WDR70: variants seen among roughly 807,000 people sequenced by gnomAD.
WDR70 encodes the protein WD repeat domain 70.
A neutral mutation model predicts 88.6 loss-of-function variants in WDR70; 53 were observed. That is an observed-to-expected ratio of 0.60 (90% confidence interval 0.48 to 0.75). The LOEUF is 0.75. WDR70 is among the 30% of genes least tolerant of loss of function. The pLI, the probability that WDR70 is intolerant of heterozygous loss-of-function variation, is 0.00. For synonymous variants in WDR70, 280 were observed against 270.0 expected, an observed-to-expected ratio of 1.04 and a Z score of -0.36; for missense variants, 610 against 823.2, an observed-to-expected ratio of 0.74 and a Z score of 3.17.
intron 10 of WDR70, among the ~76,000 whole-genome samples, chr5:37,630,034 A>T (rs1744770085): frequency 6.6e-6 from 1 of 152,132 alleles, no homozygotes; most frequent in Non-Finnish European, 1.5e-5. Flanking sequence ...CTTCAACCGT[A>T]ATCCATACTG....
intron 9 of WDR70, among the ~76,000 whole-genome samples, chr5:37,548,322 G>A (rs184875325): frequency 1.3e-5 from 2 of 152,142 alleles, no homozygotes. Flanking sequence ...TTGCCTTTTG[G>A]ATAAAAACCA....
intron 9 of WDR70, among the ~76,000 whole-genome samples, chr5:37,586,613 A>G (rs1743371690): frequency 6.7e-6 from 1 of 150,300 alleles, no homozygotes; most frequent in South Asian, 2.1e-4. Flanking sequence ...CCCTGTGTCC[A>G]TGTGTTCTCA....
chr5:37,404,311 T>TGTATCC (rs1344888958), intron 5 of WDR70, among the ~76,000 whole-genome samples: 1 of 152,180 alleles, frequency 6.6e-6, no homozygotes, highest in Non-Finnish European at 1.5e-5. Context: ...TCATGTCTCA[T>TGTATCC]GGATACCTAA....
chr5:37,514,339 C>CATATATATATATATATAT (rs70978826), intron 8 of WDR70, among the ~76,000 whole-genome samples: 1,487 of 28,640 alleles, frequency 0.052, 356 homozygotes, highest in East Asian at 0.22. Context: ...TTTAGAACTA[C>CATATATATATATATATAT]ATATATATAT....
intron 10 of WDR70, among the ~76,000 whole-genome samples, chr5:37,681,658 A>G (rs1378962023): frequency 6.6e-6 from 1 of 152,198 alleles, no homozygotes; most frequent in African/African-American, 2.4e-5. Context: ...AATTTTATCA[A>G]AAGCCTTTTT....
At chr5:37,573,628 G>T (rs1418895930) in intron 9 of WDR70, among the ~76,000 whole-genome samples, 1 of 150,214 alleles carries the variant, frequency 6.7e-6, no homozygotes, top group African/African-American at 2.5e-5. Context: ...AGAACATGCG[G>T]TGTTTGGTTT....
intron 10 of WDR70, among the ~76,000 whole-genome samples, chr5:37,679,960 C>T (rs1400299172): frequency 2.0e-5 from 3 of 152,248 alleles, no homozygotes; most frequent in African/African-American, 2.4e-5. Flanking sequence ...CCCCCAGCCT[C>T]ACTGCCACCT....
chr5:37,453,619 T>A (rs1301775108), intron 7 of WDR70, among the ~76,000 whole-genome samples: 2 of 152,244 alleles, frequency 1.3e-5, no homozygotes. Flanking sequence ...GAGATTTGTT[T>A]ATGGCCAGTT....
intron 10 of WDR70, among the ~76,000 whole-genome samples, chr5:37,652,978 T>G (rs1745448877): frequency 6.6e-6 from 1 of 152,188 alleles, no homozygotes; most frequent in Non-Finnish European, 1.5e-5. Context: ...AATAATATGT[T>G]GAATAGGAGT....
At chr5:37,631,267 G>A (rs1744808664) in intron 10 of WDR70, among the ~76,000 whole-genome samples, 1 of 152,138 alleles carries the variant, frequency 6.6e-6, no homozygotes, top group Non-Finnish European at 1.5e-5. Context: ...TAGCCTTCTT[G>A]CCTACCTTCA....
At chr5:37,709,845 CTT>C (rs1371656638) in intron 13 of WDR70, among the ~76,000 whole-genome samples, 2 of 151,506 alleles carry the variant, frequency 1.3e-5, no homozygotes. Context: ...CCTTGAAAAA[CTT>C]AAATCTTTTT....
chr5:37,561,664 G>T (rs190960862), intron 9 of WDR70, among the ~76,000 whole-genome samples: 2 of 152,140 alleles, frequency 1.3e-5, no homozygotes, highest in Non-Finnish European at 2.9e-5. Flanking sequence ...AGGCCATGTC[G>T]TTATGAGGGT....
intron 7 of WDR70, among the ~76,000 whole-genome samples, chr5:37,465,329 A>G (rs1411583032): frequency 2.0e-5 from 3 of 152,168 alleles, no homozygotes; most frequent in Admixed American, 6.5e-5. Context: ...AATGCTTCAC[A>G]TTGTCACACA....
rs752165618 is a variant in WDR70 at position 37,379,477 on chromosome 5, C to T, written c.26-12C>T. 1 of 1,613,966 alleles carries T rather than the reference C, an allele frequency of 6.2e-7. No individual in the cohort carries two copies. The highest frequency in any genetic ancestry group is 1.1e-5 in the South Asian group (1 of 91,068). On this transcript the variant is annotated splice_polypyrimidine_tract_variant and intron_variant, in intron 1 of 17. Coordinates refer to ENST00000265107, the MANE Select transcript of WDR70 (RefSeq NM_018034.4). ...CACTAACTAGGCCGCCTCTCTTTTC[C>T]TCTTGCTCCAGTGACAGGCTCAGAC...
At chr5:37,695,736 C>T (rs1037863631) in intron 10 of WDR70, among the ~76,000 whole-genome samples, 3 of 152,182 alleles carry the variant, frequency 2.0e-5, no homozygotes, top group Non-Finnish European at 2.9e-5. Context: ...GCCCCACCTG[C>T]AATCCAAGAT....
At chr5:37,652,273 C>A (rs1745431007) in intron 10 of WDR70, among the ~76,000 whole-genome samples, 1 of 152,124 alleles carries the variant, frequency 6.6e-6, no homozygotes, top group Admixed American at 6.5e-5. Flanking sequence ...ATCTCTGAGG[C>A]CTCTGTTCAG....
At chr5:37,557,054 T>G (rs1244615982) in intron 9 of WDR70, among the ~76,000 whole-genome samples, 1 of 152,138 alleles carries the variant, frequency 6.6e-6, no homozygotes, top group East Asian at 1.9e-4. Context: ...ATGAAATCAT[T>G]GAGATTTTGA....
chr5:37,524,797 T>C (rs945485234), intron 9 of WDR70, among the ~76,000 whole-genome samples: 2 of 151,752 alleles, frequency 1.3e-5, no homozygotes, highest in South Asian at 2.1e-4. Context: ...ATCTACCAAG[T>C]AAATGGAAAA....
At chr5:37,482,778 A>G (rs535919752) in intron 8 of WDR70, among the ~76,000 whole-genome samples, 2 of 152,312 alleles carry the variant, frequency 1.3e-5, no homozygotes, top group Non-Finnish European at 2.9e-5. Context: ...CCACCATTAT[A>G]TGGGTGAATG....
Sources: gnomAD v4.1 joint callset for allele counts (sites outside exome capture counted in the v4.1 genomes callset) on GRCh38, gnomAD v4.1.1 for gene constraint, MANE v1.5 for transcripts, NCBI Gene and HGNC (gene_info 2026-07-23, HGNC 2026-07-21) for gene names.